Variants in NLRP2 observed in about 807,000 individuals in gnomAD.
NLRP2 encodes the protein NLR family pyrin domain containing 2.
NLRP2 carries 107 observed loss-of-function variants against 97.2 expected under a neutral mutation model. The observed-to-expected ratio is 1.10, with a 90% CI of 0.94 to 1.29. The LOEUF is 1.29. Among genes scored for constraint, NLRP2 ranks in the 50% most tolerant of loss-of-function variants. The probability of loss-of-function intolerance (pLI) is 0.00; values close to 1 mark genes in which losing one functional copy is unlikely to be tolerated. For missense variants in NLRP2, 1,495 were observed against 1,330.3 expected (o/e 1.12, Z -1.93); for synonymous variants, 663 against 551.5 (o/e 1.20, Z -2.83).
intron 3 of NLRP2, among the ~76,000 whole-genome samples, chr19:54,975,392 G>C (rs1156991436): frequency 6.9e-6 from 1 of 145,280 alleles, no homozygotes; most frequent in Non-Finnish European, 1.5e-5. Flanking sequence ...AAACTGCTGG[G>C]GTACAGGTGT....
At chr19:54,968,101 C>T (rs269908) in intron 1 of NLRP2, among the ~76,000 whole-genome samples, 20,944 of 151,622 alleles carry the variant, frequency 0.14, 1,889 homozygotes, top group Non-Finnish European at 0.2. Flanking sequence ...TATTTTTAGT[C>T]GATATAGGGT....
intron 1 of NLRP2, among the ~76,000 whole-genome samples, chr19:54,969,588 G>C: frequency 6.6e-6 from 1 of 152,200 alleles, no homozygotes; most frequent in South Asian, 2.1e-4. Flanking sequence ...CTGGGAGGCA[G>C]AGGTTGCAGT....
At chr19:54,977,682 C>T in intron 3 of NLRP2, 70 bp from the exon 4 acceptor site, 1 of 1,474,910 alleles carries the variant, frequency 6.8e-7, no homozygotes, top group South Asian at 1.1e-5. Flanking sequence ...CTCAGGGGTC[C>T]AACTTGAGCC....
chr19:54,967,659 T>C lies in NLRP2; in HGVS notation c.-18+1192T>C, dbSNP rs1426140276. 4.6e-5 allele frequency among the ~76,000 whole-genome samples: 7 copies of C among 152,054 alleles called. No individual in the cohort carries two copies. The East Asian group carries it at 9.7e-4, about 21-fold the overall frequency. On this transcript the variant is annotated intron_variant, in intron 1 of 12. Coordinates refer to ENST00000448584, the MANE Select transcript of NLRP2 (RefSeq NM_017852.5). ...AGAGAGCTCCAAAAAAAAAAATATA[T>C]TGGAACAGGTCAGATGCTGTGGTTG...
At chr19:54,985,607 G>A (rs1356955372) in intron 7 of NLRP2, among the ~76,000 whole-genome samples, 4 of 151,166 alleles carry the variant, frequency 2.6e-5, no homozygotes, top group African/African-American at 7.3e-5. Flanking sequence ...GAACCCAGGA[G>A]GCGGAGGTTG....
chr19:54,992,026 C>T (rs948968621), intron 10 of NLRP2, among the ~76,000 whole-genome samples: 1 of 150,172 alleles, frequency 6.7e-6, no homozygotes, highest in African/African-American at 2.4e-5. Flanking sequence ...GGTTGATTCT[C>T]CTGCCTCAGC....
chr19:54,979,949 T>C (rs2146408775), intron 4 of NLRP2, among the ~76,000 whole-genome samples: 1 of 152,000 alleles, frequency 6.6e-6, no homozygotes, highest in Admixed American at 6.6e-5. Flanking sequence ...GCTAATTTTT[T>C]GTATTTTAGT....
intron 10 of NLRP2, 128 bp downstream of exon 10, chr19:54,990,800 C>T: frequency 2.2e-6 from 2 of 897,762 alleles, no homozygotes; most frequent in Non-Finnish European, 1.8e-6. Context: ...CTAATGACAA[C>T]TGGTAAGACC....
Position 54,983,571 on chromosome 19 carries a change from T to G in NLRP2, c.1873T>G (p.Phe625Val). Residue 625 changes from phenylalanine to valine, a missense_variant, in exon 6 of 13, where the codon TTC becomes GTC. By Grantham distance (50) the Phe-to-Val change is conservative (BLOSUM62 -1). Coordinates refer to ENST00000448584, the MANE Select transcript of NLRP2 (RefSeq NM_017852.5). ...GCTGGTGAAGGAGGTGATGGCTCAG[T>G]TCAAAGAAATATCCCTGCACTTAAA... ...EELVKEVMAQ[F>V]KEISLHLNAV... 3 of 1,614,118 alleles carry G rather than the reference T, an allele frequency of 1.9e-6. No homozygotes were observed. The highest frequency in any genetic ancestry group is 2.5e-6 in the Non-Finnish European group (3 of 1,180,012).
At chr19:54,986,556 C>CT (rs72407709) in intron 8 of NLRP2, among the ~76,000 whole-genome samples, 20,079 of 144,354 alleles carry the variant, frequency 0.14, 1,473 homozygotes, top group East Asian at 0.25. Flanking sequence ...TCTTTATCAT[C>CT]TTTTTTTTTT....
At chr19:54,984,483 A>ATTTTTTTTTTTTTTTTTTT (rs1568505832) in intron 6 of NLRP2, among the ~76,000 whole-genome samples, 2 of 46,190 alleles carry the variant, frequency 4.3e-5, no homozygotes, top group African/African-American at 3.9e-4. Flanking sequence ...TATATTCCCA[A>ATTTTTTTTTTTTTTTTTTT]TCTTTTTTTT....
intron 1 of NLRP2, 129 bp from the exon 2 acceptor site, chr19:54,969,870 T>C: frequency 1.1e-6 from 1 of 894,922 alleles, no homozygotes. Context: ...TTGCCCAGGC[T>C]GGGAGTTTGT....
chr19:54,981,510 C>CCCCCA, intron 4 of NLRP2, 107 bp from the exon 5 acceptor site: 1 of 248,188 alleles, frequency 4.0e-6, no homozygotes, highest in Non-Finnish European at 8.8e-6. Flanking sequence ...TGATCCCGTG[C>CCCCCA]CCCCCCTCCC....
chr19:54,970,407 T>C, intron 2 of NLRP2, 112 bp downstream of exon 2: 2 of 1,322,020 alleles, frequency 1.5e-6, no homozygotes, highest in Non-Finnish European at 2.2e-6. Flanking sequence ...TCCCAGCCCT[T>C]TGGGAGGCTG....
chr19:55,000,302 T>G (rs1336691584), intron 12 of NLRP2, among the ~76,000 whole-genome samples: 1 of 98,376 alleles, frequency 1.0e-5, no homozygotes, highest in East Asian at 2.8e-4. Flanking sequence ...TTTTTTTTTT[T>G]TTTTTTTGAG....
At chr19:54,994,045 C>T (rs2072656847) in intron 10 of NLRP2, 2 of 622,070 alleles carry the variant, frequency 3.2e-6, no homozygotes, top group African/African-American at 1.8e-5. Flanking sequence ...TTAAGATGCT[C>T]AGTCACCTCT....
At chr19:54,996,277 G>A (rs998499765) in intron 11 of NLRP2, among the ~76,000 whole-genome samples, 4 of 151,960 alleles carry the variant, frequency 2.6e-5, no homozygotes, top group African/African-American at 9.7e-5. Flanking sequence ...GAGGCAGGTG[G>A]ATCACCTAAG....
chr19:54,998,602 ATCTTTTT>A (rs1309372716), intron 12 of NLRP2, among the ~76,000 whole-genome samples: 2 of 44,974 alleles, frequency 4.4e-5, no homozygotes, highest in African/African-American at 8.7e-5. Context: ...TTTGGGGTGC[ATCTTTTT>A]TCTTTTTTTT....
rs1392809047 is a variant in NLRP2, at chr19:54,974,688, C to T, written c.325+144C>T. 3.9e-5 allele frequency: 27 copies of T among 690,404 alleles called. No homozygotes were observed. The Admixed American group carries it at 4.8e-4, about 12-fold the overall frequency. 42.8% of individuals were successfully genotyped at this position (690,404 alleles called of 1,614,324 possible). The stretch of plus-strand genomic sequence containing the variant: ...TGCTCCCAGGGCGGAGCTGGTCTCG[C>T]AGGTGCGTAGCAGTAAGACCTGGGA... On this transcript the variant is annotated intron_variant, in intron 3 of 12. Coordinates refer to ENST00000448584, the MANE Select transcript of NLRP2 (RefSeq NM_017852.5).
Sources: gnomAD v4.1 joint callset for allele counts (sites outside exome capture counted in the v4.1 genomes callset) on GRCh38, gnomAD v4.1.1 for gene constraint, MANE v1.5 for transcripts, NCBI Gene and HGNC (gene_info 2026-07-23, HGNC 2026-07-21) for gene names.